Variants in EIF5B observed in about 807,000 individuals in gnomAD.
The protein encoded by EIF5B is eukaryotic translation initiation factor 5B.
A neutral mutation model predicts 147.5 loss-of-function variants in EIF5B; 47 were observed. The ratio of observed to expected loss-of-function variants is 0.32; its 90% CI spans 0.25 to 0.41. EIF5B has a LOEUF of 0.41. EIF5B is among the 10% of genes least tolerant of loss of function. The probability of loss-of-function intolerance (pLI) is 1.00; values close to 1 mark genes in which losing one functional copy is unlikely to be tolerated. For missense variants in EIF5B, 1,064 were observed against 1,413.2 expected (o/e 0.75, Z 3.96); for synonymous variants, 455 against 456.2 (o/e 1.00, Z 0.03).
intron 10 of EIF5B, among the ~76,000 whole-genome samples, chr2:99,377,062 C>T (rs537418337): frequency 3.9e-5 from 6 of 152,118 alleles, no homozygotes; most frequent in East Asian, 1.9e-4. Context: ...TAGTAAAGTC[C>T]GATACCTGAT....
In EIF5B at chr2:99,361,499, C is replaced by A. The variant is rs764349791; in HGVS notation, c.598C>A (p.Gln200Lys). ...TGAATTTTTGCAATCTAGAAAAGGACAGAAAAAAAATCAGAAAAACAAGCC... is the reference window on the plus strand; with the variant it reads ...TGAATTTTTGCAATCTAGAAAAGGAAAGAAAAAAAATCAGAAAAACAAGCC... ...SDEFLQSRKG[Q>K]KKNQKNKPGP... Residue 200 changes from glutamine to lysine, a missense_variant, in exon 4 of 24, where the codon CAG becomes AAG. Coordinates refer to ENST00000289371, the MANE Select transcript of EIF5B (RefSeq NM_015904.4). 2 of 1,612,886 alleles carry A rather than the reference C, an allele frequency of 1.2e-6. No homozygotes were observed. Among genetic ancestry groups the A allele is most frequent in the African/African-American group, 2.7e-5 (2 of 74,622 alleles).
At chr2:99,379,630 T>G (rs970459958) in intron 12 of EIF5B, among the ~76,000 whole-genome samples, 2 of 152,184 alleles carry the variant, frequency 1.3e-5, no homozygotes, top group Middle Eastern at 3.2e-3. Context: ...GCTCTCACAT[T>G]CCATTTCCTT....
In EIF5B at chr2:99,390,381, C is replaced by T. The variant is rs529370326; in HGVS notation, c.2566C>T (p.Leu856=). The T allele has an allele frequency of 1.1e-4, 182 of 1,613,418 alleles. 3 individuals are homozygous for T. Among genetic ancestry groups the T allele is most frequent in the South Asian group, 9.3e-4 (85 of 91,020 alleles). Reference sequence around the variant, plus strand: ...CAAGAGACTTGCACACTGTGAAGAGCTGAGAGCACAGGTGATGGAGGTAAT... The same window carrying T: ...CAAGAGACTTGCACACTGTGAAGAGTTGAGAGCACAGGTGATGGAGGTAAT... ...LSKRLAHCEE[L]RAQVMEVKAL... is the part of the protein sequence containing the mutation. Residue 856 remains leucine, a synonymous_variant, in exon 16 of 24, where the codon CTG becomes TTG. Coordinates refer to ENST00000289371, the MANE Select transcript of EIF5B (RefSeq NM_015904.4).
At chr2:99,388,850 C>T (rs1165169973) in intron 14 of EIF5B, among the ~76,000 whole-genome samples, 1 of 152,046 alleles carries the variant, frequency 6.6e-6, no homozygotes, top group Admixed American at 6.6e-5. Flanking sequence ...AGTGTTTCCT[C>T]CTCTGTTTTC....
chr2:99,388,549 A>T (rs895497478), intron 14 of EIF5B, among the ~76,000 whole-genome samples: 2 of 152,128 alleles, frequency 1.3e-5, no homozygotes, highest in African/African-American at 2.4e-5. Flanking sequence ...GATTGTGTCA[A>T]ATTCTTTTCC....
intron 21 of EIF5B, among the ~76,000 whole-genome samples, 187 bp downstream of exon 21, chr2:99,395,070 A>G (rs1435175313): frequency 1.3e-5 from 2 of 152,200 alleles, no homozygotes; most frequent in African/African-American, 4.8e-5. Context: ...GTATGCAAAC[A>G]AGTCTTGTCT....
At position 99,394,389 on chromosome 2, in the gene EIF5B, A is replaced by G. The variant is rs1675000255; in HGVS notation, c.3003A>G (p.Ser1001=). The change falls in exon 19 of 24, where the codon TCA becomes TCG. Residue 1001 remains serine (S), a synonymous_variant. Transcript: ENST00000289371. ...CTCTACTGGAATTTCTGAAAACATC[A>G]GAAGTGCCCGTAAGTAACTACAACT... ...LEALLEFLKT[S]EVPYAGINIG... The G allele has an allele frequency of 6.2e-7, 1 of 1,614,014 alleles. No homozygotes were observed. The highest frequency in any genetic ancestry group is 8.5e-7 in the Non-Finnish European group (1 of 1,179,986).
At chr2:99,367,576 A>G (rs1674355157) in intron 6 of EIF5B, among the ~76,000 whole-genome samples, 3 of 151,860 alleles carry the variant, frequency 2.0e-5, no homozygotes, top group Admixed American at 6.6e-5. Context: ...AGCTGGGATT[A>G]TAGGCACCCA....
chr2:99,367,388 T>G (rs1245228782), intron 6 of EIF5B, among the ~76,000 whole-genome samples: 1 of 149,366 alleles, frequency 6.7e-6, no homozygotes, highest in Non-Finnish European at 1.5e-5. Flanking sequence ...AAGAATGTTC[T>G]AAAAAAAGAG....
At chr2:99,379,242 T>C (rs753386444) in intron 11 of EIF5B, 76 bp from the exon 12 acceptor site, 445 of 1,443,280 alleles carry the variant, frequency 3.1e-4, no homozygotes, top group Non-Finnish European at 4.0e-4. Context: ...AATAAATAAG[T>C]TGCTAATTTC....
chr2:99,384,602 G>A (rs1674761583), intron 14 of EIF5B, among the ~76,000 whole-genome samples: 1 of 152,224 alleles, frequency 6.6e-6, no homozygotes, highest in Non-Finnish European at 1.5e-5. Flanking sequence ...CCTTCTGGAT[G>A]TTATGAAGAA....
At position 99,390,276 on chromosome 2, in the gene EIF5B, G is replaced by A. The variant is rs374794095; in HGVS notation, c.2461G>A (p.Val821Ile). The A allele has an allele frequency of 2.9e-5, 47 of 1,613,902 alleles. No individual in the cohort carries two copies. In the African/African-American group the frequency reaches 5.5e-4, roughly 19 times the overall value. Reference sequence around the variant, plus strand: ...AGATCCCCGCACTTTTGTGTCTTTGGTACCTACCTCTGCACATACTGGTGA... The same window carrying A: ...AGATCCCCGCACTTTTGTGTCTTTGATACCTACCTCTGCACATACTGGTGA... ...NKDPRTFVSLVPTSAHTGDGM... is the reference protein window; with the variant it reads ...NKDPRTFVSLIPTSAHTGDGM... Residue 821 changes from valine (V) to isoleucine (I), a missense_variant, in exon 16 of 24, where the codon GTA (valine) becomes ATA (isoleucine). Physicochemically the swap from Val to Ile is conservative, Grantham distance 29. Transcript: ENST00000289371.
chr2:99,366,937 A>G (rs146602207), intron 6 of EIF5B, among the ~76,000 whole-genome samples: 5 of 152,352 alleles, frequency 3.3e-5, no homozygotes, highest in Admixed American at 3.3e-4. Flanking sequence ...AATTCAGTGG[A>G]TAAAATACAG....
At chr2:99,353,653 G>A (rs116430923) in intron 1 of EIF5B, among the ~76,000 whole-genome samples, 2,519 of 152,200 alleles carry the variant, frequency 0.017, 59 homozygotes, top group African/African-American at 0.057. Flanking sequence ...TTGTACATTT[G>A]TAACCATCTC....
intron 1 of EIF5B, among the ~76,000 whole-genome samples, chr2:99,358,828 T>G (rs977717878): frequency 5.3e-5 from 8 of 152,176 alleles, no homozygotes; most frequent in Non-Finnish European, 7.4e-5. Flanking sequence ...CTGCAGCAGA[T>G]CAGTGTCAAA....
At chr2:99,372,347 C>CT (rs566441623) in intron 9 of EIF5B, among the ~76,000 whole-genome samples, 8 of 151,730 alleles carry the variant, frequency 5.3e-5, no homozygotes, top group Non-Finnish European at 1.2e-4. Flanking sequence ...TAGTGTATTT[C>CT]TTTTTTTTGA....
rs141199647 is a variant in EIF5B, at chr2:99,385,780, T to A, written c.2271+2859T>A. Among the ~76,000 whole-genome samples the A allele has an allele frequency of 1.4e-4, 21 of 152,340 alleles. No individual in the cohort carries two copies. The East Asian group carries it at 4.1e-3, about 29-fold the overall frequency. On this transcript the variant is annotated intron_variant, in intron 14 of 23. Transcript: ENST00000289371. ...ATAAGAAAATGCACCCCATGCTAAG[T>A]GTTTAATTTGTTTTGACAAATTTAC...
At chr2:99,382,473 T>A (rs1173094991) in intron 13 of EIF5B, among the ~76,000 whole-genome samples, 2 of 152,226 alleles carry the variant, frequency 1.3e-5, no homozygotes, top group Non-Finnish European at 2.9e-5. Context: ...ATGCCAGGCC[T>A]ATCTCCTGTA....
rs561319726 is a variant in EIF5B at position 99,376,754 on chromosome 2, G to A, written c.1842+118G>A. 2.7e-5 allele frequency: 37 copies of A among 1,393,916 alleles called. No individual in the cohort carries two copies. The African/African-American group carries it at 3.8e-4, about 14-fold the overall frequency. 86.3% of individuals were successfully genotyped at this position (1,393,916 alleles called of 1,614,324 possible). A position where few individuals can be genotyped will look rare whatever the true frequency, so the allele number is the denominator to read the frequency against. On this transcript the variant is annotated intron_variant, in intron 10 of 23. Coordinates refer to ENST00000289371, the MANE Select transcript of EIF5B (RefSeq NM_015904.4). ...TATGTATTCTCAAGAATAGAACACC[G>A]TTCAGTTTTTGTAATGTTGAAATAT...
Sources: allele counts gnomAD v4.1 joint callset (sites outside exome capture counted in the v4.1 genomes callset), GRCh38; gene constraint gnomAD v4.1.1; transcripts MANE v1.5; gene names NCBI Gene and HGNC (gene_info 2026-07-23, HGNC 2026-07-21).